Variants in RDH10 observed in about 807,000 individuals in gnomAD.
RDH10 encodes the protein retinol dehydrogenase 10 (all-trans).
A neutral mutation model predicts 30.2 loss-of-function variants in RDH10; 12 were observed. The observed-to-expected ratio is 0.40, with a 90% CI of 0.25 to 0.64. The LOEUF is 0.64. RDH10 is among the 30% of genes least tolerant of loss of function. The pLI, the probability that RDH10 is intolerant of heterozygous loss-of-function variation, is 0.43. For missense variants in RDH10, 268 were observed against 445.2 expected, an observed-to-expected ratio of 0.60 and a Z score of 3.58; for synonymous variants, 189 against 172.2, an observed-to-expected ratio of 1.10 and a Z score of -0.76.
chr8:73,312,281 T>G (rs1488996256), intron 2 of RDH10: 1 of 152,196 alleles, frequency 6.6e-6, no homozygotes, highest in East Asian at 1.9e-4. Flanking sequence ...AAATAAAAGA[T>G]AAACACTTCA....
rs1374392260 is a variant in RDH10, at chr8:73,321,093, T to C, written c.770+16T>C. On this transcript the variant is annotated intron_variant, in intron 4 of 5. Transcript: ENST00000240285. ...GCCGAATCAGGTCAGTGAGAACCTA[T>C]ATTATTACTGATAAAAAGAATATGT... 2.5e-6 allele frequency: 4 copies of C among 1,577,334 alleles called. No individual in the cohort carries two copies. Among genetic ancestry groups the C allele is most frequent in the African/African-American group, 1.4e-5 (1 of 69,156 alleles).
intron 2 of RDH10, 154 bp downstream of exon 2, chr8:73,297,583 G>C: frequency 1.7e-6 from 1 of 603,238 alleles, no homozygotes; most frequent in South Asian, 1.9e-5. Flanking sequence ...GTGTATGCTG[G>C]TTACTGTTAG....
chr8:73,317,372 G>A (rs1045711710), intron 2 of RDH10, among the ~76,000 whole-genome samples: 4 of 152,126 alleles, frequency 2.6e-5, no homozygotes, highest in Non-Finnish European at 4.4e-5. Context: ...ATTTACACAC[G>A]AAGGGTCTGG....
chr8:73,307,336 G>T (rs1420485510), intron 2 of RDH10, among the ~76,000 whole-genome samples: 1 of 152,136 alleles, frequency 6.6e-6, no homozygotes, highest in Non-Finnish European at 1.5e-5. Context: ...ACCAGAATAT[G>T]GTCTGCGTGG....
intron 2 of RDH10, among the ~76,000 whole-genome samples, chr8:73,303,927 G>T (rs1335052627): frequency 6.6e-6 from 1 of 152,150 alleles, no homozygotes; most frequent in Non-Finnish European, 1.5e-5. Flanking sequence ...TCTTCAATAT[G>T]TTCTAATCTG....
chr8:73,298,198 C>T (rs892027874), intron 2 of RDH10, among the ~76,000 whole-genome samples: 2 of 152,204 alleles, frequency 1.3e-5, no homozygotes, highest in African/African-American at 4.8e-5. Context: ...TATAACTGCA[C>T]ACTGCTGACC....
Position 73,297,385 on chromosome 8 carries a change from C to T in RDH10, c.481C>T (p.Leu161Phe). The T allele has an allele frequency of 6.2e-7, 1 of 1,613,786 alleles. No individual in the cohort carries two copies. Among genetic ancestry groups the T allele is most frequent in the Non-Finnish European group, 8.5e-7 (1 of 1,179,654 alleles). The change falls in exon 2 of 6, where the codon CTC becomes TTC. Residue 161 changes from leucine to phenylalanine, a missense_variant. Leu to Phe is a conservative substitution (Grantham distance 22, BLOSUM62 0). Coordinates refer to ENST00000240285, the MANE Select transcript of RDH10 (RefSeq NM_172037.5). ...GHHLLECPDELIERTMMVNCH... is the reference protein window; with the variant it reads ...GHHLLECPDEFIERTMMVNCH... Reference sequence around the variant, plus strand: ...TCACCTTCTGGAATGTCCTGATGAGCTCATTGAGAGAACCATGATGGTCAA... The same window carrying T: ...TCACCTTCTGGAATGTCCTGATGAGTTCATTGAGAGAACCATGATGGTCAA...
At chr8:73,322,030 G>T (rs1434066009) in intron 4 of RDH10, 1 of 456,016 alleles carries the variant, frequency 2.2e-6, no homozygotes, top group Middle Eastern at 3.3e-4. Context: ...GTTGCTGAGG[G>T]TCTTGCGGAG....
intron 1 of RDH10, 136 bp from the exon 2 acceptor site, chr8:73,297,058 G>T (rs1586185731): frequency 1.5e-6 from 1 of 649,676 alleles, no homozygotes; most frequent in Non-Finnish European, 2.8e-6. Context: ...GGCAAGCCTT[G>T]CAGCGTTAGA....
chr8:73,305,291 T>C (rs1475473978), intron 2 of RDH10, among the ~76,000 whole-genome samples: 1 of 152,254 alleles, frequency 6.6e-6, no homozygotes, highest in Non-Finnish European at 1.5e-5. Flanking sequence ...TTCTAATGAA[T>C]CGGTTTTAGT....
intron 2 of RDH10, among the ~76,000 whole-genome samples, chr8:73,300,788 T>C (rs1399075077): frequency 1.3e-5 from 2 of 152,234 alleles, no homozygotes; most frequent in African/African-American, 2.4e-5. Flanking sequence ...CAAGTTTCAA[T>C]ATAACCTTTC....
Position 73,295,284 on chromosome 8 carries a change from G to T in RDH10, c.-6G>T, listed in dbSNP as rs559183492. 1 of 1,554,692 alleles carries T rather than the reference G, an allele frequency of 6.4e-7. No individual in the cohort carries two copies. The highest frequency in any genetic ancestry group is 8.7e-7 in the Non-Finnish European group (1 of 1,153,590). Reference sequence around the variant, plus strand: ...ACTGGGCTCGTGCGGGGCCCCGGGCGTCGCGATGAACATCGTGGTGGAGTT... The same window carrying T: ...ACTGGGCTCGTGCGGGGCCCCGGGCTTCGCGATGAACATCGTGGTGGAGTT... On this transcript the variant is annotated 5_prime_UTR_variant, in exon 1 of 6. Transcript: ENST00000240285.
At chr8:73,301,045 T>A (rs1814364487) in intron 2 of RDH10, among the ~76,000 whole-genome samples, 1 of 49,434 alleles carries the variant, frequency 2.0e-5, no homozygotes, top group African/African-American at 4.8e-5. Flanking sequence ...CTCTATTCTT[T>A]TTTTTTTTTT....
chr8:73,324,777 T>G lies in RDH10; in HGVS notation c.*1741T>G, dbSNP rs1159597612. On this transcript the variant is annotated 3_prime_UTR_variant, in exon 6 of 6. Coordinates refer to ENST00000240285, the MANE Select transcript of RDH10 (RefSeq NM_172037.5). Reference sequence around the variant, plus strand: ...ATTAAGGGCTTGTTTGTACCAAAAGTGGGGAAACAATGCCATGACCTGTGT... The same window carrying G: ...ATTAAGGGCTTGTTTGTACCAAAAGGGGGGAAACAATGCCATGACCTGTGT... 1 of 152,194 alleles carries G rather than the reference T, an allele frequency of 6.6e-6. No homozygotes were observed. The highest frequency in any genetic ancestry group is 1.5e-5 in the Non-Finnish European group (1 of 68,030). 9.4% of individuals were successfully genotyped at this position (152,194 alleles called of 1,614,324 possible).
chr8:73,297,182 T>A lies in RDH10; in HGVS notation c.290-12T>A, dbSNP rs1167450000. 6.5e-7 allele frequency: 1 copy of A among 1,528,464 alleles called. No homozygotes were observed. Among genetic ancestry groups the A allele is most frequent in the East Asian group, 2.2e-5 (1 of 44,530 alleles). 94.7% of individuals were successfully genotyped at this position (1,528,464 alleles called of 1,614,324 possible). A position where few individuals can be genotyped will look rare whatever the true frequency, so the allele number is the denominator to read the frequency against. On this transcript the variant is annotated splice_polypyrimidine_tract_variant and intron_variant, in intron 1 of 5. Transcript: ENST00000240285. ...TTGCATGTTTTCTCCTCATCTGGAC[T>A]TCTGAGGACAGCTGGGAATGGTGAG...
At position 73,321,747 on chromosome 8, in the gene RDH10, T is replaced by G. The variant is rs778084520; in HGVS notation, c.770+670T>G. 1.1e-5 allele frequency: 5 copies of G among 449,554 alleles called. 1 individual carries two copies. The highest frequency in any genetic ancestry group is 7.8e-5 in the South Asian group (5 of 64,296). The allele number at this position is 449,554 out of a possible 1,614,324, so 27.8% of individuals were successfully genotyped here. A position where few individuals can be genotyped will look rare whatever the true frequency, so the allele number is the denominator to read the frequency against. On this transcript the variant is annotated intron_variant, in intron 4 of 5. Coordinates refer to ENST00000240285, the MANE Select transcript of RDH10 (RefSeq NM_172037.5). ...TTGTGAAGACATGCTTACTTTTATC[T>G]TTGCTTGGGTGAGTTTGAAAGGCAA...
At chr8:73,316,203 A>C (rs1814660684) in intron 2 of RDH10, among the ~76,000 whole-genome samples, 1 of 152,002 alleles carries the variant, frequency 6.6e-6, no homozygotes. Flanking sequence ...TTTTTTGTAG[A>C]GGCAGCGTTT....
intron 2 of RDH10, among the ~76,000 whole-genome samples, chr8:73,302,568 C>A (rs1161323998): frequency 2.0e-5 from 3 of 152,100 alleles, no homozygotes; most frequent in Non-Finnish European, 4.4e-5. Context: ...GCCTGTAGTC[C>A]CAGCTCCTCA....
rs1009653155 is a variant in RDH10 at position 73,294,687 on chromosome 8, C to T, written c.-603C>T. On this transcript the variant is annotated 5_prime_UTR_variant, in exon 1 of 6. Coordinates refer to ENST00000240285, the MANE Select transcript of RDH10 (RefSeq NM_172037.5). ...GTGACACCCGCGGAGAGTGCAGGGC[C>T]GGGGAACGCGAGCCCTCGGGGGCAG... The T allele has an allele frequency of 2.2e-5, 8 of 365,686 alleles. No homozygotes were observed. The highest frequency in any genetic ancestry group is 1.9e-5 in the Non-Finnish European group (4 of 205,412). 22.7% of individuals were successfully genotyped at this position (365,686 alleles called of 1,614,324 possible). A position where few individuals can be genotyped will look rare whatever the true frequency, so the allele number is the denominator to read the frequency against.
Sources: gnomAD v4.1 joint callset for allele counts (sites outside exome capture counted in the v4.1 genomes callset) on GRCh38, gnomAD v4.1.1 for gene constraint, MANE v1.5 for transcripts, NCBI Gene and HGNC (gene_info 2026-07-23, HGNC 2026-07-21) for gene names.